Variants in VGLL4 observed in about 807,000 individuals in gnomAD.
VGLL4 encodes the protein transcription cofactor vestigial-like protein 4.
A neutral mutation model predicts 21.0 loss-of-function variants in VGLL4; 7 were observed. The observed-to-expected ratio is 0.33, with a 90% CI of 0.19 to 0.63. VGLL4 has a LOEUF of 0.63. VGLL4 is among the 20% of genes least tolerant of loss of function. The pLI is 0.78. For missense variants in VGLL4, 394 were observed against 425.7 expected, an observed-to-expected ratio of 0.93 and a Z score of 0.66; for synonymous variants, 222 against 173.2, an observed-to-expected ratio of 1.28 and a Z score of -2.21.
intron 1 of VGLL4, among the ~76,000 whole-genome samples, chr3:11,626,694 C>G (rs765388540): frequency 5.9e-5 from 9 of 152,156 alleles, no homozygotes; most frequent in Non-Finnish European, 1.3e-4. Context: ...AAGTAAAGAA[C>G]AGTTGGCTGA....
intron 2 of VGLL4, among the ~76,000 whole-genome samples, chr3:11,689,207 C>T (rs545394066): frequency 7.9e-5 from 12 of 152,232 alleles, no homozygotes; most frequent in African/African-American, 2.4e-4. Flanking sequence ...TCACTTACTT[C>T]CCATTTTTCT....
chr3:11,639,460 AAGG>A (rs1390340884), intron 1 of VGLL4, among the ~76,000 whole-genome samples: 4 of 152,262 alleles, frequency 2.6e-5, no homozygotes, highest in Admixed American at 2.6e-4. Flanking sequence ...GCTTCAGAGC[AAGG>A]AGAAGTGGGA....
In VGLL4 at chr3:11,698,621, C is replaced by T. The variant is rs114011489; in HGVS notation, c.64+4350G>A. On this transcript the variant is annotated intron_variant, in intron 2 of 5. Coordinates refer to the VGLL4 transcript ENST00000273038. The stretch of plus-strand genomic sequence containing the variant: ...GAACAGCAATCTCAAGTTGTATTTC[C>T]ATTCAGTACCTTCCAGGGTTACCCT... Among the ~76,000 whole-genome samples, 288 of 152,276 alleles carry T rather than the reference C, an allele frequency of 1.9e-3. 1 individual carries two copies. The highest frequency in any genetic ancestry group is 6.7e-3 in the African/African-American group (279 of 41,524).
chr3:11,615,701 C>A (rs1231970304), intron 1 of VGLL4, among the ~76,000 whole-genome samples: 1 of 152,188 alleles, frequency 6.6e-6, no homozygotes, highest in Non-Finnish European at 1.5e-5. Flanking sequence ...ATTTATTACA[C>A]ACCTTTAATT....
chr3:11,709,859 G>C (rs1031690749), intron 1 of VGLL4, among the ~76,000 whole-genome samples: 1 of 152,134 alleles, frequency 6.6e-6, no homozygotes, highest in African/African-American at 2.4e-5. Flanking sequence ...ATCTTGGTGT[G>C]TTAGTCCATT....
chr3:11,564,744 C>T (rs2073372810), intron 3 of VGLL4, 53 bp downstream of exon 3: 1 of 1,527,656 alleles, frequency 6.5e-7, no homozygotes, highest in African/African-American at 1.4e-5. Context: ...TCCATCCAGC[C>T]CAGTCCCCCA....
chr3:11,684,534 C>T (rs1285197730), intron 2 of VGLL4, among the ~76,000 whole-genome samples: 1 of 152,102 alleles, frequency 6.6e-6, no homozygotes, highest in Non-Finnish European at 1.5e-5. Context: ...GCATGCACCA[C>T]CATGCCCAGC....
intron 1 of VGLL4, among the ~76,000 whole-genome samples, chr3:11,624,144 G>A (rs1422660514): frequency 6.6e-6 from 1 of 152,140 alleles, no homozygotes; most frequent in African/African-American, 2.4e-5. Flanking sequence ...TCACCTAAAA[G>A]ACTTATTTAA....
intron 2 of VGLL4, among the ~76,000 whole-genome samples, chr3:11,573,598 G>A (rs1575398853): frequency 6.6e-6 from 1 of 152,206 alleles, no homozygotes; most frequent in East Asian, 1.9e-4. Flanking sequence ...TGTATCCTCG[G>A]TGACATCTGG....
chr3:11,658,981 CACA>C (rs1415401235), intron 2 of VGLL4, among the ~76,000 whole-genome samples: 1 of 152,158 alleles, frequency 6.6e-6, no homozygotes, highest in Admixed American at 6.5e-5. Context: ...AGGCGTCAGG[CACA>C]ACTATCCTGC....
intron 2 of VGLL4, among the ~76,000 whole-genome samples, chr3:11,649,905 G>C (rs1173357629): frequency 1.5e-4 from 5 of 33,920 alleles, no homozygotes; most frequent in Non-Finnish European, 3.6e-4. Context: ...ATTTGGTTTG[G>C]TTTGGTTTGG....
intron 1 of VGLL4, among the ~76,000 whole-genome samples, chr3:11,705,378 G>C (rs918149296): frequency 5.9e-5 from 9 of 152,204 alleles, no homozygotes; most frequent in Non-Finnish European, 1.0e-4. Flanking sequence ...CAGGCAGAGA[G>C]AGGAGGGGAG....
At chr3:11,713,341 A>C (rs574321444) in intron 1 of VGLL4, among the ~76,000 whole-genome samples, 1 of 152,130 alleles carries the variant, frequency 6.6e-6, no homozygotes, top group South Asian at 2.1e-4. Context: ...TTGCTATTCC[A>C]GCTTTCCTCA....
chr3:11,573,369 AAGAAAGAAAGAAAGAAAGAAAG>A lies in VGLL4; in HGVS notation c.273-8372_273-8351del, dbSNP rs1575398181. Among the ~76,000 whole-genome samples, 8 of 144,376 alleles carry A rather than the reference AAGAAAGAAAGAAAGAAAGAAAG, an allele frequency of 5.5e-5. No individual in the cohort carries two copies. The East Asian group carries it at 1.1e-3, about 20-fold the overall frequency. 94.7% of individuals were successfully genotyped at this position (144,376 alleles called of 152,430 possible). On this transcript the variant is annotated intron_variant, in intron 2 of 4. Transcript: ENST00000430365. ...AAAGAAAGAAAGAAAGAAAGAAAGA[AAGAAAGAAAGAAAGAAAGAAAG>A]AAAGAAAATGGCCCCATAGTGCTTA...
intron 2 of VGLL4, among the ~76,000 whole-genome samples, chr3:11,578,065 G>C (rs1239511334): frequency 6.6e-6 from 1 of 152,172 alleles, no homozygotes; most frequent in Non-Finnish European, 1.5e-5. Flanking sequence ...ATTTATCGTA[G>C]CACGTTTCTG....
chr3:11,607,551 T>G (rs2074973478), intron 1 of VGLL4, among the ~76,000 whole-genome samples: 1 of 152,198 alleles, frequency 6.6e-6, no homozygotes, highest in Non-Finnish European at 1.5e-5. Flanking sequence ...CTGAAGTGTA[T>G]TGTAGACTTT....
chr3:11,639,287 G>A (rs1451051418), intron 1 of VGLL4, among the ~76,000 whole-genome samples: 5 of 152,244 alleles, frequency 3.3e-5, no homozygotes, highest in Non-Finnish European at 7.3e-5. Context: ...TCTGGAGCTG[G>A]CATCCACGCA....
intron 2 of VGLL4, among the ~76,000 whole-genome samples, chr3:11,580,157 T>G (rs2074185197): frequency 6.6e-6 from 1 of 152,202 alleles, no homozygotes; most frequent in African/African-American, 2.4e-5. Flanking sequence ...CTGCACTCAT[T>G]AAACACCAAC....
At chr3:11,595,175 AACAAACAAAAT>A (rs2074605942) in intron 2 of VGLL4, among the ~76,000 whole-genome samples, 3 of 151,912 alleles carry the variant, frequency 2.0e-5, no homozygotes, top group African/African-American at 4.8e-5. Context: ...CAAACAAACA[AACAAACAAAAT>A]AAGAAAACAC....
Sources: allele counts gnomAD v4.1 joint callset (sites outside exome capture counted in the v4.1 genomes callset), GRCh38; gene constraint gnomAD v4.1.1; transcripts MANE v1.5; gene names NCBI Gene and HGNC (gene_info 2026-07-23, HGNC 2026-07-21).